Variants in ATP13A4 observed in about 807,000 individuals in gnomAD.
ATP13A4 encodes the protein probable cation-transporting ATPase 13A4.
A neutral mutation model predicts 142.5 loss-of-function variants in ATP13A4; 114 were observed. That is an observed-to-expected ratio of 0.80 (90% CI 0.69 to 0.93). ATP13A4 has a LOEUF of 0.93. ATP13A4 is among the 40% of genes least tolerant of loss of function. The pLI is 0.00. For missense variants in ATP13A4, 1,392 were observed against 1,454.0 expected (o/e 0.96, Z 0.69); for synonymous variants, 488 against 514.8 (o/e 0.95, Z 0.70).
chr3:193,403,822 G>A, intron 29 of ATP13A4: 1 of 985,202 alleles, frequency 1.0e-6, no homozygotes, highest in African/African-American at 1.7e-5. Flanking sequence ...AAAAATATGG[G>A]ACGTGAAACT....
intron 1 of ATP13A4, among the ~76,000 whole-genome samples, chr3:193,537,630 A>C (rs1341778586): frequency 6.6e-6 from 1 of 152,176 alleles, no homozygotes; most frequent in East Asian, 1.9e-4. Flanking sequence ...TTTGTGAAAG[A>C]GCCTGCTGAG....
chr3:193,581,887 T>A (rs1013548182), exon 2 of ATP13A4: 10 of 151,994 alleles, frequency 6.6e-5, no homozygotes, highest in Non-Finnish European at 1.5e-4. Context: ...GTCTTTTCGA[T>A]GAGGACAGAA....
intron 13 of ATP13A4, among the ~76,000 whole-genome samples, chr3:193,462,186 C>CA (rs1326645755): frequency 6.7e-6 from 1 of 149,324 alleles, no homozygotes; most frequent in Non-Finnish European, 1.5e-5. Context: ...CATGCCACTG[C>CA]ACTCCAGCCT....
chr3:193,478,378 T>G (rs1719092816), intron 8 of ATP13A4, among the ~76,000 whole-genome samples: 1 of 151,556 alleles, frequency 6.6e-6, no homozygotes, highest in Non-Finnish European at 1.5e-5. Context: ...GGACCATTAG[T>G]GAGATTAACC....
chr3:193,542,500 A>G (rs1722987010), intron 1 of ATP13A4, among the ~76,000 whole-genome samples: 1 of 152,174 alleles, frequency 6.6e-6, no homozygotes. Flanking sequence ...TACCCAAAAA[A>G]AAAAGAGTCC....
intron 17 of ATP13A4, among the ~76,000 whole-genome samples, chr3:193,452,958 T>C (rs1717371667): frequency 6.6e-6 from 1 of 152,102 alleles, no homozygotes. Context: ...TACTGTTTTT[T>C]TCAGAGTTTT....
At chr3:193,463,424 TAAAAAAAAAAA>T (rs11336311) in intron 12 of ATP13A4, among the ~76,000 whole-genome samples, 2 of 95,998 alleles carry the variant, frequency 2.1e-5, no homozygotes, top group African/African-American at 3.8e-5. Context: ...TGCTATTTGG[TAAAAAAAAAAA>T]AAAAAAAAAA....
At chr3:193,492,005 C>T (rs1042351516) in intron 5 of ATP13A4, among the ~76,000 whole-genome samples, 2 of 152,164 alleles carry the variant, frequency 1.3e-5, no homozygotes, top group African/African-American at 4.8e-5. Context: ...CTGTTGAAAA[C>T]ACTAACCGCT....
At chr3:193,573,982 G>T (rs1724343013) in intron 2 of ATP13A4, among the ~76,000 whole-genome samples, 1 of 152,168 alleles carries the variant, frequency 6.6e-6, no homozygotes, top group Non-Finnish European at 1.5e-5. Context: ...GTGGTTGAAT[G>T]ATGAGGGGAG....
At chr3:193,546,342 C>T (rs887016558) in intron 1 of ATP13A4, among the ~76,000 whole-genome samples, 1 of 152,126 alleles carries the variant, frequency 6.6e-6, no homozygotes, top group Admixed American at 6.5e-5. Context: ...AATGTAGTTA[C>T]TTACATTCCT....
At chr3:193,562,885 T>G (rs1380015906) in intron 2 of ATP13A4, among the ~76,000 whole-genome samples, 1 of 151,794 alleles carries the variant, frequency 6.6e-6, no homozygotes, top group South Asian at 2.1e-4. Flanking sequence ...AAAATAACAA[T>G]AAAAATTAAA....
intron 1 of ATP13A4, among the ~76,000 whole-genome samples, chr3:193,551,965 ATTTATT>A (rs572974890): frequency 2.1e-3 from 323 of 151,864 alleles, no homozygotes; most frequent in Non-Finnish European, 3.3e-3. Flanking sequence ...TTGTTTATTT[ATTTATT>A]TTTATCTATT....
chr3:193,448,954 A>G (rs1304608463), intron 17 of ATP13A4, among the ~76,000 whole-genome samples: 1 of 151,960 alleles, frequency 6.6e-6, no homozygotes, highest in East Asian at 1.9e-4. Context: ...GGGGAGTTTT[A>G]GTTCTGGCAC....
At chr3:193,447,483 G>C (rs910850714) in intron 18 of ATP13A4, among the ~76,000 whole-genome samples, 1 of 152,164 alleles carries the variant, frequency 6.6e-6, no homozygotes, top group African/African-American at 2.4e-5. Context: ...ATAAATGATA[G>C]AGTTAAAAGC....
chr3:193,428,238 G>A (rs1715775374), intron 25 of ATP13A4, among the ~76,000 whole-genome samples: 1 of 151,262 alleles, frequency 6.6e-6, no homozygotes, highest in Non-Finnish European at 1.5e-5. Context: ...AAACCACAGT[G>A]AGATACCATC....
At chr3:193,462,580 T>G (rs1718016259) in intron 13 of ATP13A4, among the ~76,000 whole-genome samples, 182 bp downstream of exon 13, 2 of 152,084 alleles carry the variant, frequency 1.3e-5, no homozygotes, top group Admixed American at 6.6e-5. Flanking sequence ...TGGGGGGAAA[T>G]GTGTGTGTTT....
chr3:193,410,851 T>A, intron 28 of ATP13A4, 131 bp downstream of exon 28: 1 of 648,858 alleles, frequency 1.5e-6, no homozygotes, highest in Non-Finnish European at 2.8e-6. Context: ...ATTTAGCATT[T>A]TTTTTAGCTC....
intron 12 of ATP13A4, 78 bp from the exon 13 acceptor site, chr3:193,462,901 A>G (rs1718036452): frequency 6.9e-7 from 1 of 1,441,328 alleles, no homozygotes; most frequent in African/African-American, 1.4e-5. Context: ...TCCCAGCACT[A>G]CGGGAGGCGG....
At chr3:193,474,322 C>CAAAAAAAAAAAAAAAAAAAAAAAAA (rs1176133187) in intron 8 of ATP13A4, among the ~76,000 whole-genome samples, 3 of 69,090 alleles carry the variant, frequency 4.3e-5, no homozygotes, top group African/African-American at 5.1e-5. Flanking sequence ...GACTCCGTCT[C>CAAAAAAAAAAAAAAAAAAAAAAAAA]AAAAAAAAAA....
Sources: gnomAD v4.1 joint callset for allele counts (sites outside exome capture counted in the v4.1 genomes callset) on GRCh38, gnomAD v4.1.1 for gene constraint, MANE v1.5 for transcripts, NCBI Gene and HGNC (gene_info 2026-07-23, HGNC 2026-07-21) for gene names.